Variants in ODAD3 observed in about 807,000 individuals in gnomAD.
ODAD3 encodes the protein outer dynein arm docking complex subunit 3.
A neutral mutation model predicts 70.9 loss-of-function variants in ODAD3; 57 were observed. The ratio of observed to expected loss-of-function variants is 0.80; its 90% CI spans 0.65 to 1.00. ODAD3 has a LOEUF of 1.00. Ranked by LOEUF, ODAD3 falls within the 50% of genes least tolerant of loss-of-function variation. ODAD3 has a pLI of 0.00. For synonymous variants in ODAD3, 327 were observed against 315.9 expected (o/e 1.04, Z -0.37); for missense variants, 797 against 763.9 (o/e 1.04, Z -0.51).
At position 11,420,720 on chromosome 19, in the gene ODAD3, C is replaced by T. The variant is rs113810311; in HGVS notation, c.*115G>A. The T allele has an allele frequency of 8.5e-4, 752 of 880,632 alleles. 3 individuals are homozygous for T. In the African/African-American group the frequency reaches 0.011, roughly 13 times the overall value. 54.6% of individuals were successfully genotyped at this position (880,632 alleles called of 1,614,324 possible). ...CTCCCCTCCGGGCGCCGCTGGCCGCCTCCGTTCCCGGTCCGGGCCGCGTTC... is the reference window on the plus strand; with the variant it reads ...CTCCCCTCCGGGCGCCGCTGGCCGCTTCCGTTCCCGGTCCGGGCCGCGTTC... On this transcript the variant is annotated 3_prime_UTR_variant, in exon 13 of 13. Transcript: ENST00000356392.
chr19:11,423,774 G>T, intron 8 of ODAD3, 103 bp downstream of exon 8: 1 of 1,222,766 alleles, frequency 8.2e-7, no homozygotes, highest in African/African-American at 1.5e-5. Flanking sequence ...CGACCTGGCA[G>T]AGAGGGGAGA....
chr19:11,423,223 C>T (rs1969183701), intron 8 of ODAD3, among the ~76,000 whole-genome samples: 2 of 152,248 alleles, frequency 1.3e-5, no homozygotes, highest in Non-Finnish European at 2.9e-5. Flanking sequence ...GAGCCATCCG[C>T]TCACAAGGCC....
chr19:11,430,064 A>G (rs952528948), intron 3 of ODAD3, among the ~76,000 whole-genome samples: 1 of 152,080 alleles, frequency 6.6e-6, no homozygotes, highest in Non-Finnish European at 1.5e-5. Context: ...ACAGTGGCAC[A>G]ACCTCAGCTT....
In ODAD3 at chr19:11,421,779, C is replaced by T; in HGVS notation, c.1488G>A (p.Val496=). ...KELDPQADNY[V]PNLLGLVEEK... ...CCTCCACGAGGCCCAGCAGGTTTGG[C>T]ACATAGTTATCTGCCTGGGGATCCA... Residue 496 remains valine, a synonymous_variant, in exon 11 of 13, where the codon GTG becomes GTA. Transcript: ENST00000356392. The T allele has an allele frequency of 6.2e-7, 1 of 1,613,408 alleles. No individual in the cohort carries two copies. The highest frequency in any genetic ancestry group is 1.1e-5 in the South Asian group (1 of 91,092).
Position 11,424,412 on chromosome 19 carries a change from G to A in ODAD3, c.964-383C>T, listed in dbSNP as rs375987440. Among the ~76,000 whole-genome samples, 7 of 151,560 alleles carry A rather than the reference G, an allele frequency of 4.6e-5. 1 individual carries two copies. The highest frequency in any genetic ancestry group is 1.5e-4 in the African/African-American group (6 of 41,330). ...AGCTACTTGGGAGGCTGAGGTGAGA[G>A]GATCACTTGAGCCCAGGAGGTCGAG... On this transcript the variant is annotated intron_variant, in intron 7 of 12. Coordinates refer to ENST00000356392, the MANE Select transcript of ODAD3 (RefSeq NM_145045.5).
chr19:11,426,921 G>A lies in ODAD3; in HGVS notation c.564C>T (p.Arg188=). The A allele has an allele frequency of 6.2e-7, 1 of 1,610,560 alleles. No individual in the cohort carries two copies. The highest frequency in any genetic ancestry group is 8.5e-7 in the Non-Finnish European group (1 of 1,179,162). Residue 188 remains arginine, a synonymous_variant, in exon 4 of 13, where the codon CGC becomes CGT. Coordinates refer to ENST00000356392, the MANE Select transcript of ODAD3 (RefSeq NM_145045.5). ...TTTGCGCCTCCGCCATCTCCAGAAG[G>A]CGCAGGCTGTGCTGCAGCTGGAGCT... is the stretch of plus-strand genomic sequence containing the variant. The part of the protein sequence containing the change: ...LEELQLQHSL[R]LLEMAEAQNR...
Position 11,426,140 on chromosome 19 carries a change from C to T in ODAD3, c.963+4G>A, listed in dbSNP as rs1187034485. 2 of 1,606,100 alleles carry T rather than the reference C, an allele frequency of 1.2e-6. No homozygotes were observed. Among genetic ancestry groups the T allele is most frequent in the East Asian group, 2.2e-5 (1 of 44,744 alleles). On this transcript the variant is annotated splice_donor_region_variant and intron_variant, in intron 7 of 12. Coordinates refer to ENST00000356392, the MANE Select transcript of ODAD3 (RefSeq NM_145045.5). Reference sequence around the variant, plus strand: ...CACAGGCGCGCACCCCTGGGTGCGCCCACCTTGCGCTCCATGCGCTCGTTC... The same window carrying T: ...CACAGGCGCGCACCCCTGGGTGCGCTCACCTTGCGCTCCATGCGCTCGTTC...
intron 11 of ODAD3, 79 bp from the exon 12 acceptor site, chr19:11,421,291 AC>A: frequency 1.5e-6 from 2 of 1,312,660 alleles, no homozygotes. Flanking sequence ...CCTCCTCCCT[AC>A]CCCATTCCGA....
chr19:11,427,642 C>T (rs916863908), intron 3 of ODAD3, among the ~76,000 whole-genome samples: 1 of 151,920 alleles, frequency 6.6e-6, no homozygotes, highest in African/African-American at 2.4e-5. Context: ...CCACTACACC[C>T]GGCTAATTTT....
At chr19:11,425,333 G>C (rs748981747) in intron 7 of ODAD3, among the ~76,000 whole-genome samples, 1,772 of 130,722 alleles carry the variant, frequency 0.014, 75 homozygotes, top group Middle Eastern at 0.02. Context: ...ATGTACATAT[G>C]TGTATATATG....
chr19:11,424,984 T>C (rs1227961513), intron 7 of ODAD3, among the ~76,000 whole-genome samples: 3 of 132,596 alleles, frequency 2.3e-5, no homozygotes. Flanking sequence ...TATATGTGTA[T>C]ATGTACATAT....
chr19:11,430,230 C>T lies in ODAD3; in HGVS notation c.444+469G>A, dbSNP rs1413056466. On this transcript the variant is annotated intron_variant, in intron 3 of 12. Coordinates refer to ENST00000356392, the MANE Select transcript of ODAD3 (RefSeq NM_145045.5). ...TCGGCTCACTGCAACCTCTGCCTCC[C>T]GGGTTCAAGCGATTCTCCTGCCTCA... 3.3e-5 allele frequency among the ~76,000 whole-genome samples: 5 copies of T among 151,684 alleles called. No homozygotes were observed. In the East Asian group the frequency reaches 5.8e-4, roughly 18 times the overall value.
chr19:11,427,787 C>T (rs1969416779), intron 3 of ODAD3, among the ~76,000 whole-genome samples: 1 of 150,848 alleles, frequency 6.6e-6, no homozygotes, highest in African/African-American at 2.4e-5. Flanking sequence ...CAGCTATCTT[C>T]TGGCCATTTT....
At position 11,426,901 on chromosome 19, in the gene ODAD3, G is replaced by A. The variant is rs879665716; in HGVS notation, c.584C>T (p.Ala195Val). The change falls in exon 4 of 13, where the codon GCG (alanine) becomes GTG (valine). Residue 195 changes from alanine to valine, a missense_variant. Ala to Val is a moderately conservative substitution (Grantham distance 64). Transcript: ENST00000356392. ...HSLRLLEMAEAQNRHTEVAKT... is the reference protein window; with the variant it reads ...HSLRLLEMAEVQNRHTEVAKT... ...GGCCACCTCCGTGTGTCTGTTTTGCGCCTCCGCCATCTCCAGAAGGCGCAG... is the reference window on the plus strand; with the variant it reads ...GGCCACCTCCGTGTGTCTGTTTTGCACCTCCGCCATCTCCAGAAGGCGCAG... The A allele has an allele frequency of 5.0e-6, 8 of 1,609,308 alleles. No homozygotes were observed. The highest frequency in any genetic ancestry group is 5.9e-6 in the Non-Finnish European group (7 of 1,177,580).
chr19:11,432,854 C>T (rs540025406), intron 1 of ODAD3, among the ~76,000 whole-genome samples: 46 of 151,790 alleles, frequency 3.0e-4, no homozygotes, highest in Non-Finnish European at 5.4e-4. Context: ...AGTGCAGTGG[C>T]GCAATCCTGG....
At chr19:11,435,731 G>C (rs1969686582), upstream of ODAD3, 1 of 1,342,532 alleles carries the variant, frequency 7.4e-7, no homozygotes, top group Admixed American at 2.2e-5. Flanking sequence ...GCGGGTGGGA[G>C]GGCACCTCAG....
Position 11,425,260 on chromosome 19 carries a change from CATATGTGT to C in ODAD3, c.963+876_963+883del, listed in dbSNP as rs1191454674. On this transcript the variant is annotated intron_variant, in intron 7 of 12. Coordinates refer to ENST00000356392, the MANE Select transcript of ODAD3 (RefSeq NM_145045.5). ...ACATATGTGTATATATGTATATGTA[CATATGTGT>C]ATATGTGTGTATATGTACATATGTG... Among the ~76,000 whole-genome samples the C allele has an allele frequency of 3.6e-5, 4 of 110,112 alleles. 2 individuals carry two copies. The highest frequency in any genetic ancestry group is 1.7e-4 in the African/African-American group (4 of 23,658). 72.2% of individuals were successfully genotyped at this position (110,112 alleles called of 152,430 possible).
chr19:11,425,601 A>ATG (rs1223624982), intron 7 of ODAD3, among the ~76,000 whole-genome samples: 1 of 131,890 alleles, frequency 7.6e-6, no homozygotes, highest in South Asian at 2.1e-4. Context: ...ATGTGTATAT[A>ATG]TGTGTGTGTA....
At chr19:11,425,655 A>ATACG (rs1969350178) in intron 7 of ODAD3, among the ~76,000 whole-genome samples, 13 of 115,612 alleles carry the variant, frequency 1.1e-4, no homozygotes, top group African/African-American at 6.8e-4. Flanking sequence ...ATATACGTAT[A>ATACG]TATATATATA....
Sources: gnomAD v4.1 joint callset for allele counts (sites outside exome capture counted in the v4.1 genomes callset) on GRCh38, gnomAD v4.1.1 for gene constraint, MANE v1.5 for transcripts, NCBI Gene and HGNC (gene_info 2026-07-23, HGNC 2026-07-21) for gene names.